Variants in CTNNA2 observed in about 807,000 individuals in gnomAD.
The protein encoded by CTNNA2 is catenin alpha-2.
Under a neutral mutation model 101.0 loss-of-function variants are expected in CTNNA2, and 42 were observed. The ratio of observed to expected loss-of-function variants is 0.42; its 90% CI spans 0.32 to 0.54. The LOEUF (loss-of-function observed/expected upper bound fraction) is 0.54. Ranked by LOEUF, CTNNA2 falls within the 20% of genes least tolerant of loss-of-function variation. The pLI, the probability that CTNNA2 is intolerant of heterozygous loss-of-function variation, is 0.14. For missense variants in CTNNA2, 871 were observed against 1,223.1 expected, an observed-to-expected ratio of 0.71 and a Z score of 4.29; for synonymous variants, 450 against 456.4, an observed-to-expected ratio of 0.99 and a Z score of 0.18.
rs180849970 is a variant in CTNNA2 at position 79,466,009 on chromosome 2, A to T, written c.-134-39045A>T. On this transcript the variant is annotated intron_variant, in intron 4 of 21. Coordinates refer to the CTNNA2 transcript ENST00000466387. ...CATTTCCAACCAAGGTACTGGGTTCATCTCACTGGGGCTTGTCGGACAGTG... is the reference window on the plus strand; with the variant it reads ...CATTTCCAACCAAGGTACTGGGTTCTTCTCACTGGGGCTTGTCGGACAGTG... Among the ~76,000 whole-genome samples the T allele has an allele frequency of 1.3e-4, 20 of 152,316 alleles. No individual in the cohort carries two copies. In the East Asian group the frequency reaches 3.9e-3, roughly 29 times the overall value.
chr2:80,574,470 T>A (rs1168207643), intron 13 of CTNNA2, among the ~76,000 whole-genome samples, 156 bp downstream of exon 13: 1 of 152,212 alleles, frequency 6.6e-6, no homozygotes. Flanking sequence ...TTTATACTTA[T>A]GAAGGGATGA....
intron 2 of CTNNA2, among the ~76,000 whole-genome samples, chr2:79,305,918 C>T (rs1035441342): frequency 2.0e-5 from 3 of 151,818 alleles, no homozygotes; most frequent in Admixed American, 2.0e-4. Context: ...TGGTGGCGGG[C>T]ACCTGTAGTC....
chr2:80,210,521 T>G (rs1443995116), intron 7 of CTNNA2, among the ~76,000 whole-genome samples: 1 of 152,210 alleles, frequency 6.6e-6, no homozygotes, highest in East Asian at 1.9e-4. Flanking sequence ...GCTTCATCCA[T>G]GTCCCTACAA....
chr2:79,922,541 G>C (rs763456791), intron 7 of CTNNA2, among the ~76,000 whole-genome samples: 10 of 151,024 alleles, frequency 6.6e-5, no homozygotes, highest in Middle Eastern at 3.4e-3. Context: ...TTTTTCCACC[G>C]CTGCCCTAAT....
At chr2:79,729,824 C>T (rs1687091861) in intron 2 of CTNNA2, among the ~76,000 whole-genome samples, 1 of 151,974 alleles carries the variant, frequency 6.6e-6, no homozygotes, top group African/African-American at 2.4e-5. Flanking sequence ...CCAGTGTGGC[C>T]TTTTTTCATG....
chr2:79,278,358 C>T (rs116491794), intron 2 of CTNNA2, among the ~76,000 whole-genome samples: 518 of 152,114 alleles, frequency 3.4e-3, no homozygotes, highest in Non-Finnish European at 5.3e-3. Context: ...AAGGAGCGAG[C>T]ATGGTCACTA....
chr2:80,275,714 AAG>A (rs761577253), intron 7 of CTNNA2, among the ~76,000 whole-genome samples: 7 of 150,868 alleles, frequency 4.6e-5, no homozygotes, highest in East Asian at 1.9e-4. Flanking sequence ...GAGAGAGAGA[AAG>A]AGAGAGAGAG....
chr2:79,486,348 G>A (rs1671157483), intron 4 of CTNNA2, among the ~76,000 whole-genome samples: 1 of 151,734 alleles, frequency 6.6e-6, no homozygotes, highest in African/African-American at 2.4e-5. Context: ...CCTTGTGATA[G>A]TTTGCTGAGA....
At chr2:79,447,556 A>G (rs946006507) in intron 4 of CTNNA2, among the ~76,000 whole-genome samples, 1 of 152,048 alleles carries the variant, frequency 6.6e-6, no homozygotes, top group Non-Finnish European at 1.5e-5. Context: ...AAGGTTAAGC[A>G]CAGAGCCTCC....
chr2:79,244,384 C>T (rs1306170644), intron 2 of CTNNA2, among the ~76,000 whole-genome samples: 1 of 152,206 alleles, frequency 6.6e-6, no homozygotes, highest in East Asian at 1.9e-4. Flanking sequence ...GAATGCTAAT[C>T]ATGTACACAC....
chr2:79,381,154 G>T (rs4852485), intron 4 of CTNNA2, among the ~76,000 whole-genome samples: 44,544 of 152,008 alleles, frequency 0.29, 6,826 homozygotes, highest in Middle Eastern at 0.45. Flanking sequence ...ACCACAGTGA[G>T]TAAGTAGAAG....
chr2:80,626,930 G>A (rs1419498909), intron 18 of CTNNA2, among the ~76,000 whole-genome samples: 1 of 151,058 alleles, frequency 6.6e-6, no homozygotes, highest in Non-Finnish European at 1.5e-5. Flanking sequence ...TGTTCTCATT[G>A]TTCAACTCCC....
intron 7 of CTNNA2, among the ~76,000 whole-genome samples, chr2:80,342,413 G>C (rs1202003068): frequency 6.6e-6 from 1 of 152,216 alleles, no homozygotes; most frequent in Non-Finnish European, 1.5e-5. Context: ...CTTGAAGTCA[G>C]TTCTTGTAAA....
At chr2:80,487,005 G>T (rs989951975) in intron 9 of CTNNA2, among the ~76,000 whole-genome samples, 1 of 152,146 alleles carries the variant, frequency 6.6e-6, no homozygotes, top group African/African-American at 2.4e-5. Flanking sequence ...CAAAACTTGG[G>T]CCGAGCGTGG....
rs570734742 is a variant in CTNNA2 at position 79,973,736 on chromosome 2, A to G, written c.1056+63939A>G. On this transcript the variant is annotated intron_variant, in intron 7 of 18. Coordinates refer to ENST00000402739, the MANE Select transcript of CTNNA2 (RefSeq NM_001282597.3). ...GGGAAGCCAAAGGATTTTAAGGAAAAACTGAGGAGTGTTACATAATTGTTT... is the reference window on the plus strand; with the variant it reads ...GGGAAGCCAAAGGATTTTAAGGAAAGACTGAGGAGTGTTACATAATTGTTT... Among the ~76,000 whole-genome samples the G allele has an allele frequency of 5.3e-5, 8 of 152,268 alleles. No individual in the cohort carries two copies. In the East Asian group the frequency reaches 1.5e-3, roughly 29 times the overall value.
At chr2:79,894,468 C>T (rs1473005389) in intron 6 of CTNNA2, among the ~76,000 whole-genome samples, 1 of 152,120 alleles carries the variant, frequency 6.6e-6, no homozygotes. Context: ...AGTACCAAAT[C>T]GTTTCCGTAG....
intron 7 of CTNNA2, among the ~76,000 whole-genome samples, chr2:80,279,628 G>A (rs1674207328): frequency 6.6e-6 from 1 of 152,046 alleles, no homozygotes; most frequent in Non-Finnish European, 1.5e-5. Flanking sequence ...CCACCAATGG[G>A]CAGAATGAAA....
chr2:79,842,935 A>T (rs999802413), intron 3 of CTNNA2, among the ~76,000 whole-genome samples: 1 of 144,912 alleles, frequency 6.9e-6, no homozygotes, highest in African/African-American at 2.6e-5. Flanking sequence ...GGAAGAGAAG[A>T]GGTGACATTG....
chr2:80,107,451 G>C (rs954255519), intron 7 of CTNNA2, among the ~76,000 whole-genome samples: 1 of 152,144 alleles, frequency 6.6e-6, no homozygotes, highest in African/African-American at 2.4e-5. Context: ...CTTCAGAAAA[G>C]AGCCAGACAG....
Sources: gnomAD v4.1 joint callset for allele counts (sites outside exome capture counted in the v4.1 genomes callset) on GRCh38, gnomAD v4.1.1 for gene constraint, MANE v1.5 for transcripts, NCBI Gene and HGNC (gene_info 2026-07-23, HGNC 2026-07-21) for gene names.